The following NFIA variants were observed in gnomAD, a reference collection of about 807,000 sequenced individuals.
NFIA encodes nuclear factor I A, also known as nuclear factor 1 A-type.
NFIA carries 8 observed loss-of-function variants against 62.8 expected under a neutral mutation model. The ratio of observed to expected loss-of-function variants is 0.13; its 90% CI spans 0.07 to 0.23. NFIA has a LOEUF of 0.23. Among genes scored for constraint, NFIA ranks in the 10% least tolerant of loss-of-function variants. The probability of loss-of-function intolerance (pLI) is 1.00; values close to 1 mark genes in which losing one functional copy is unlikely to be tolerated. For synonymous variants in NFIA, 235 were observed against 238.1 expected (o/e 0.99, Z 0.12); for missense variants, 410 against 642.1 (o/e 0.64, Z 3.91).
intron 2 of NFIA, among the ~76,000 whole-genome samples, chr1:61,205,043 C>T (rs1215794894): frequency 1.3e-5 from 2 of 152,108 alleles, no homozygotes; most frequent in African/African-American, 4.8e-5. Flanking sequence ...AGCCCATTGC[C>T]AATTATAAAT....
At chr1:61,137,156 G>T (rs922430576) in intron 2 of NFIA, among the ~76,000 whole-genome samples, 11 of 152,158 alleles carry the variant, frequency 7.2e-5, no homozygotes, top group Non-Finnish European at 1.6e-4. Flanking sequence ...AAGAAAAGGT[G>T]ACTCAAACAT....
intron 2 of NFIA, among the ~76,000 whole-genome samples, chr1:61,104,049 G>GTA (rs1238802428): frequency 1.3e-5 from 2 of 152,076 alleles, no homozygotes; most frequent in Admixed American, 6.6e-5. Flanking sequence ...ATATGTGAGG[G>GTA]TATAATCTTT....
At chr1:61,307,957 C>A (rs1659890903) in intron 3 of NFIA, among the ~76,000 whole-genome samples, 1 of 152,144 alleles carries the variant, frequency 6.6e-6, no homozygotes, top group Admixed American at 6.5e-5. Flanking sequence ...CCCCAGAGGA[C>A]TAAGATACAG....
chr1:61,313,561 A>G lies in NFIA; in HGVS notation c.626-18951A>G, dbSNP rs534938378. ...ATTCAATCACCTCCCACCAGGCCACACTTCCAATATTGGGGATTACAGTTC... is the reference window on the plus strand; with the variant it reads ...ATTCAATCACCTCCCACCAGGCCACGCTTCCAATATTGGGGATTACAGTTC... On this transcript the variant is annotated intron_variant, in intron 3 of 10. Transcript: ENST00000403491. Among the ~76,000 whole-genome samples, 3 of 152,320 alleles carry G rather than the reference A, an allele frequency of 2.0e-5. No individual in the cohort carries two copies. The East Asian group carries it at 5.8e-4, about 29-fold the overall frequency.
chr1:61,426,999 A>C (rs1474683946), intron 10 of NFIA, among the ~76,000 whole-genome samples: 1 of 152,148 alleles, frequency 6.6e-6, no homozygotes, highest in African/African-American at 2.4e-5. Context: ...GCTTTCTAAA[A>C]GAAAGAGGGA....
intron 2 of NFIA, among the ~76,000 whole-genome samples, chr1:61,126,782 T>TCC (rs1646980170): frequency 2.5e-5 from 2 of 80,510 alleles, no homozygotes; most frequent in African/African-American, 8.5e-5. Flanking sequence ...GATTCCTTTT[T>TCC]TTTTTTTTTT....
chr1:61,191,997 G>A (rs1057290542), intron 2 of NFIA, among the ~76,000 whole-genome samples: 11 of 151,796 alleles, frequency 7.2e-5, no homozygotes, highest in South Asian at 6.2e-4. Context: ...TCTTGCTCTG[G>A]TGCCCAGGCT....
At chr1:61,347,237 G>A (rs1452727600) in intron 4 of NFIA, among the ~76,000 whole-genome samples, 2 of 127,326 alleles carry the variant, frequency 1.6e-5, no homozygotes, top group African/African-American at 6.1e-5. Flanking sequence ...GCAGTGGCAC[G>A]ATCTGGGCTC....
intron 2 of NFIA, among the ~76,000 whole-genome samples, chr1:61,185,106 CAG>C (rs1382795639): frequency 6.6e-6 from 1 of 152,132 alleles, no homozygotes; most frequent in African/African-American, 2.4e-5. Context: ...TGGGGGGTAA[CAG>C]AAAACTTTTT....
chr1:61,154,115 A>G (rs772296708), intron 2 of NFIA, among the ~76,000 whole-genome samples: 1 of 152,216 alleles, frequency 6.6e-6, no homozygotes, highest in African/African-American at 2.4e-5. Flanking sequence ...TTGTAAATTG[A>G]CAATTTAAAA....
intron 2 of NFIA, among the ~76,000 whole-genome samples, chr1:61,217,573 A>C (rs1483826214): frequency 6.6e-6 from 1 of 152,170 alleles, no homozygotes; most frequent in Non-Finnish European, 1.5e-5. Flanking sequence ...AGCTGAAGTC[A>C]AGAGGGGAAG....
chr1:61,110,906 T>C (rs1646684224), intron 2 of NFIA, among the ~76,000 whole-genome samples: 1 of 152,130 alleles, frequency 6.6e-6, no homozygotes, highest in African/African-American at 2.4e-5. Flanking sequence ...CTGCATTTGC[T>C]TAAGAAATGT....
At chr1:61,347,087 A>G (rs374877389) in intron 4 of NFIA, among the ~76,000 whole-genome samples, 55 of 150,764 alleles carry the variant, frequency 3.6e-4, no homozygotes, top group African/African-American at 1.2e-3. Context: ...GAGCCAAACC[A>G]TATCAGTTGC....
intron 2 of NFIA, among the ~76,000 whole-genome samples, chr1:61,154,223 A>T (rs1189863882): frequency 6.6e-6 from 1 of 152,112 alleles, no homozygotes; most frequent in African/African-American, 2.4e-5. Flanking sequence ...ATCTTGGCTC[A>T]CTGCAACCAA....
chr1:61,377,782 G>A (rs1358322848), intron 6 of NFIA, among the ~76,000 whole-genome samples: 1 of 152,188 alleles, frequency 6.6e-6, no homozygotes, highest in Non-Finnish European at 1.5e-5. Context: ...AGGTCCTGCT[G>A]TCCCGAGCAG....
intron 4 of NFIA, among the ~76,000 whole-genome samples, chr1:61,343,900 T>C (rs1346816988): frequency 6.6e-6 from 1 of 152,250 alleles, no homozygotes; most frequent in African/African-American, 2.4e-5. Flanking sequence ...GTCTGAATTA[T>C]AGCAGTCTAT....
intron 2 of NFIA, among the ~76,000 whole-genome samples, chr1:61,271,169 C>G (rs975012132): frequency 2.0e-5 from 3 of 152,228 alleles, no homozygotes; most frequent in African/African-American, 7.2e-5. Context: ...ATCCTCCCCT[C>G]ACTGTCATAA....
chr1:61,285,559 C>T (rs1272350747), intron 3 of NFIA, among the ~76,000 whole-genome samples: 2 of 152,150 alleles, frequency 1.3e-5, no homozygotes, highest in Non-Finnish European at 2.9e-5. Flanking sequence ...CTCCCTGCAG[C>T]TTCCTCATTC....
At chr1:61,248,501 A>G (rs776057878) in intron 2 of NFIA, among the ~76,000 whole-genome samples, 3 of 152,158 alleles carry the variant, frequency 2.0e-5, no homozygotes, top group Non-Finnish European at 4.4e-5. Flanking sequence ...GATTTCTCAA[A>G]TGGTGGCATC....
Sources: gnomAD v4.1 joint callset for allele counts (sites outside exome capture counted in the v4.1 genomes callset) on GRCh38, gnomAD v4.1.1 for gene constraint, MANE v1.5 for transcripts, NCBI Gene and HGNC (gene_info 2026-07-23, HGNC 2026-07-21) for gene names.